The following TNR variants were observed in gnomAD, a reference collection of about 807,000 sequenced individuals.
TNR encodes the protein tenascin-R.
In TNR, 45 loss-of-function variants were observed where a neutral mutation model predicts 150.4. The ratio of observed to expected loss-of-function variants is 0.30; its 90% CI spans 0.24 to 0.38. TNR has a LOEUF of 0.38. TNR is among the 10% of genes least tolerant of loss of function. The pLI, the probability that TNR is intolerant of heterozygous loss-of-function variation, is 1.00. For missense variants in TNR, 1,544 were observed against 1,759.1 expected (o/e 0.88, Z 2.19); for synonymous variants, 687 against 678.4 (o/e 1.01, Z -0.20).
intron 18 of TNR, among the ~76,000 whole-genome samples, chr1:175,353,591 A>T (rs903636249): frequency 6.6e-6 from 1 of 152,200 alleles, no homozygotes; most frequent in Non-Finnish European, 1.5e-5. Flanking sequence ...CCTTGGTTTC[A>T]TCACCTGTGG....
chr1:175,725,088 G>A (rs1013131800), intron 1 of TNR, among the ~76,000 whole-genome samples: 8 of 152,128 alleles, frequency 5.3e-5, no homozygotes, highest in African/African-American at 1.7e-4. Flanking sequence ...TTTAAGCAGG[G>A]GAGTGACATG....
At chr1:175,397,783 CA>C (rs1184940064) in intron 4 of TNR, among the ~76,000 whole-genome samples, 2 of 152,132 alleles carry the variant, frequency 1.3e-5, no homozygotes, top group East Asian at 3.9e-4. Flanking sequence ...TTGGAGTCAC[CA>C]AAGGGTAAAA....
intron 2 of TNR, among the ~76,000 whole-genome samples, chr1:175,458,174 G>T (rs901107835): frequency 6.6e-6 from 1 of 152,182 alleles, no homozygotes; most frequent in Non-Finnish European, 1.5e-5. Flanking sequence ...GCTAGCTATT[G>T]TAGTAGTAGT....
chr1:175,350,988 T>C (rs1217511691), intron 18 of TNR, among the ~76,000 whole-genome samples: 1 of 152,178 alleles, frequency 6.6e-6, no homozygotes, highest in African/African-American at 2.4e-5. Context: ...GAAAGTCAGG[T>C]ACTGTCAATG....
chr1:175,331,064 T>TC (rs1649805456), intron 20 of TNR, among the ~76,000 whole-genome samples: 16 of 130,382 alleles, frequency 1.2e-4, no homozygotes, highest in South Asian at 9.2e-4. Context: ...TTTCTTTCTT[T>TC]CTTTCTTTCT....
At chr1:175,675,655 A>T (rs1190190509) in intron 1 of TNR, among the ~76,000 whole-genome samples, 1 of 152,192 alleles carries the variant, frequency 6.6e-6, no homozygotes. Flanking sequence ...TGACCTGAAC[A>T]TAGGACCCCT....
intron 2 of TNR, among the ~76,000 whole-genome samples, chr1:175,475,566 A>G (rs906561233): frequency 5.9e-5 from 9 of 152,230 alleles, no homozygotes; most frequent in African/African-American, 1.9e-4. Flanking sequence ...AAATTCTTAC[A>G]GTTCTAGGAT....
At chr1:175,330,468 G>C in intron 20 of TNR, 1 of 386,540 alleles carries the variant, frequency 2.6e-6, no homozygotes, top group Non-Finnish European at 4.6e-6. Context: ...AGGAAACTCA[G>C]GGGTTCTAAT....
chr1:175,371,358 A>G (rs748058216), intron 9 of TNR, among the ~76,000 whole-genome samples: 12 of 152,154 alleles, frequency 7.9e-5, no homozygotes, highest in Non-Finnish European at 1.0e-4. Flanking sequence ...TTCACCTCAC[A>G]CCCATTCTTC....
chr1:175,675,960 G>A (rs949167070), intron 1 of TNR, among the ~76,000 whole-genome samples: 1 of 152,158 alleles, frequency 6.6e-6, no homozygotes, highest in Non-Finnish European at 1.5e-5. Flanking sequence ...GGAGGGCTCA[G>A]TGTCAGGGTT....
At chr1:175,685,852 T>TA (rs1666179276) in intron 1 of TNR, among the ~76,000 whole-genome samples, 1 of 100,134 alleles carries the variant, frequency 1.0e-5, no homozygotes, top group Non-Finnish European at 2.0e-5. Flanking sequence ...AACCATTAGC[T>TA]GTTTTTTTTT....
intron 2 of TNR, among the ~76,000 whole-genome samples, chr1:175,466,994 T>A (rs1221389975): frequency 6.6e-6 from 1 of 152,064 alleles, no homozygotes; most frequent in Non-Finnish European, 1.5e-5. Flanking sequence ...AACCCCTGAA[T>A]CCTCAGAGGA....
At chr1:175,571,919 A>C (rs771644680) in intron 1 of TNR, among the ~76,000 whole-genome samples, 116 of 152,342 alleles carry the variant, frequency 7.6e-4, no homozygotes, top group Non-Finnish European at 1.3e-3. Flanking sequence ...GGGAGTATGC[A>C]TGCTTTCCAT....
chr1:175,369,049 C>G (rs2102016799), intron 9 of TNR, among the ~76,000 whole-genome samples: 1 of 152,288 alleles, frequency 6.6e-6, no homozygotes, highest in East Asian at 1.9e-4. Context: ...AGTCTGAGTC[C>G]TTCCGGTAGG....
chr1:175,528,460 C>G (rs192167514), intron 1 of TNR, 91 bp from the exon 2 acceptor site: 4 of 152,276 alleles, frequency 2.6e-5, no homozygotes, highest in Admixed American at 6.5e-5. Context: ...ACCACATCGC[C>G]TTTAAAATAA....
At chr1:175,560,085 A>C (rs184695457) in intron 1 of TNR, among the ~76,000 whole-genome samples, 5 of 152,320 alleles carry the variant, frequency 3.3e-5, no homozygotes, top group Admixed American at 6.5e-5. Context: ...TCAGACAGTA[A>C]ACCTTAAGTG....
intron 1 of TNR, among the ~76,000 whole-genome samples, chr1:175,685,508 A>C (rs1666162827): frequency 6.6e-6 from 1 of 152,138 alleles, no homozygotes; most frequent in Non-Finnish European, 1.5e-5. Context: ...TGTTGGGCCC[A>C]TGAGTTTCAT....
At chr1:175,453,695 C>T (rs533965785) in intron 2 of TNR, among the ~76,000 whole-genome samples, 363 of 152,122 alleles carry the variant, frequency 2.4e-3, no homozygotes, top group Non-Finnish European at 4.1e-3. Context: ...CCTCAGCCTC[C>T]CAAGTAGCTG....
chr1:175,621,865 C>T (rs1047159457), intron 1 of TNR, among the ~76,000 whole-genome samples: 1 of 152,206 alleles, frequency 6.6e-6, no homozygotes, highest in Admixed American at 6.5e-5. Flanking sequence ...GGATTTGTAT[C>T]GCACAAAGGT....
Sources: gnomAD v4.1 joint callset for allele counts (sites outside exome capture counted in the v4.1 genomes callset) on GRCh38, gnomAD v4.1.1 for gene constraint, MANE v1.5 for transcripts, NCBI Gene and HGNC (gene_info 2026-07-23, HGNC 2026-07-21) for gene names.